The following RAVER2 variants were observed in gnomAD, a reference collection of about 807,000 sequenced individuals.
The protein encoded by RAVER2 is ribonucleoprotein PTB-binding 2.
A neutral mutation model predicts 78.1 loss-of-function variants in RAVER2; 46 were observed. That is an observed-to-expected ratio of 0.59 (90% CI 0.46 to 0.75). The LOEUF (loss-of-function observed/expected upper bound fraction) is 0.75, where lower values mean the gene tolerates loss of function less well. RAVER2 is among the 30% of genes least tolerant of loss of function. The pLI is 0.00. For missense variants in RAVER2, 793 were observed against 837.5 expected, an observed-to-expected ratio of 0.95 and a Z score of 0.66; for synonymous variants, 311 against 313.3, an observed-to-expected ratio of 0.99 and a Z score of 0.08.
At chr1:64,816,044 GTTTCT>G (rs1653748511) in intron 11 of RAVER2, 1 of 152,086 alleles carries the variant, frequency 6.6e-6, no homozygotes, top group Non-Finnish European at 1.5e-5. Flanking sequence ...ATTCCAATTT[GTTTCT>G]TTTCAAGAAA....
Position 64,807,509 on chromosome 1 carries a change from T to TGGGTGC in RAVER2, c.1680+35_1680+36insGGGTGC, listed in dbSNP as rs774376378. The TGGGTGC allele has an allele frequency of 8.1e-5, 129 of 1,590,678 alleles. 2 individuals are homozygous for TGGGTGC. In the East Asian group the frequency reaches 2.8e-3, roughly 34 times the overall value. Reference sequence around the variant, plus strand: ...CTGTGGGTGCACACAGATGTATATATACATGTATATGTATATATATTCCTT... The same window carrying TGGGTGC: ...CTGTGGGTGCACACAGATGTATATATGGGTGCACATGTATATGTATATATATTCCTT... On this transcript the variant is annotated intron_variant, in intron 9 of 11. Coordinates refer to ENST00000294428, the Ensembl canonical transcript of RAVER2.
chr1:64,815,050 G>C, intron 11 of RAVER2: 3 of 330,068 alleles, frequency 9.1e-6, no homozygotes, highest in Non-Finnish European at 1.6e-5. Flanking sequence ...ACCTCTCACT[G>C]TTTACCTAGT....
chr1:64,782,749 G>A (rs1302385482), intron 4 of RAVER2, among the ~76,000 whole-genome samples: 2 of 152,150 alleles, frequency 1.3e-5, no homozygotes, highest in Non-Finnish European at 2.9e-5. Context: ...CTTGGATGTA[G>A]GCTAATGCCA....
At chr1:64,753,511 A>G (rs1401041537) in intron 1 of RAVER2, among the ~76,000 whole-genome samples, 1 of 149,428 alleles carries the variant, frequency 6.7e-6, no homozygotes, top group Non-Finnish European at 1.5e-5. Context: ...CCCTCTGGCA[A>G]TGTATAGAAT....
intron 5 of RAVER2, among the ~76,000 whole-genome samples, chr1:64,797,264 T>C (rs1204082904): frequency 6.6e-6 from 1 of 152,164 alleles, no homozygotes; most frequent in Non-Finnish European, 1.5e-5. Context: ...TCCTTACTGA[T>C]TTTTCATCAA....
At chr1:64,819,609 AAAACTT>A (rs2100895990) in intron 11 of RAVER2, among the ~76,000 whole-genome samples, 1 of 152,368 alleles carries the variant, frequency 6.6e-6, no homozygotes, top group East Asian at 1.9e-4. Context: ...TTTGCTTCAA[AAAACTT>A]ACAGATCTAA....
chr1:64,787,563 G>T (rs1209711343), intron 4 of RAVER2, among the ~76,000 whole-genome samples: 1 of 152,126 alleles, frequency 6.6e-6, no homozygotes, highest in African/African-American at 2.4e-5. Context: ...CTTCTATCCT[G>T]CAGAGTGGGT....
intron 4 of RAVER2, among the ~76,000 whole-genome samples, chr1:64,784,269 TGGG>T (rs1396960499): frequency 1.3e-5 from 2 of 152,058 alleles, no homozygotes; most frequent in African/African-American, 4.8e-5. Flanking sequence ...CTCAGCTACT[TGGG>T]GGGCTGAGGT....
At chr1:64,792,012 C>G (rs1036869351) in intron 5 of RAVER2, among the ~76,000 whole-genome samples, 6 of 151,986 alleles carry the variant, frequency 3.9e-5, no homozygotes, top group African/African-American at 1.4e-4. Context: ...CAGTATATAC[C>G]ATATATGTAA....
intron 9 of RAVER2, among the ~76,000 whole-genome samples, chr1:64,812,362 C>CAAAAAAA (rs61411897): frequency 2.9e-5 from 2 of 70,054 alleles, no homozygotes. Flanking sequence ...ATTCCATCTC[C>CAAAAAAA]AAAAAAAAAA....
chr1:64,782,737 T>A (rs1362764992), intron 4 of RAVER2, among the ~76,000 whole-genome samples: 1 of 152,200 alleles, frequency 6.6e-6, no homozygotes, highest in Non-Finnish European at 1.5e-5. Context: ...AATATGAGGA[T>A]GCTTGGATGT....
chr1:64,797,935 T>A (rs1042072779), intron 5 of RAVER2, among the ~76,000 whole-genome samples: 16 of 151,562 alleles, frequency 1.1e-4, no homozygotes, highest in Non-Finnish European at 2.1e-4. Context: ...TTTTTTTTTT[T>A]ATTATACTTT....
intron 5 of RAVER2, among the ~76,000 whole-genome samples, chr1:64,800,130 TG>T (rs1340976201): frequency 6.9e-6 from 1 of 145,402 alleles, no homozygotes. Context: ...TTTTGTTTTT[TG>T]TTTTTTTTTT....
chr1:64,795,789 A>G (rs746031667), intron 5 of RAVER2, among the ~76,000 whole-genome samples: 1 of 151,836 alleles, frequency 6.6e-6, no homozygotes, highest in South Asian at 2.1e-4. Flanking sequence ...TATGGCTTCT[A>G]TTTTTTTCCT....
rs764468887 is a variant in RAVER2 at position 64,830,955 on chromosome 1, AACTT to A, written c.2052_2055del (p.Tyr684Ter). Reference sequence around the variant, plus strand: ...AGGGCACAGGAGCATATTACATGGAAACTTACTTAAAAAAGAAGCGAGTATACTG... The same window carrying A: ...AGGGCACAGGAGCATATTACATGGAAACTTAAAAAAGAAGCGAGTATACTG... On this transcript the variant is annotated frameshift_variant, in exon 12 of 12. Coordinates refer to ENST00000294428, the Ensembl canonical transcript of RAVER2. LOFTEE classifies it high-confidence loss of function. 3 of 1,613,722 alleles carry A rather than the reference AACTT, an allele frequency of 1.9e-6. No homozygotes were observed. Among genetic ancestry groups the A allele is most frequent in the South Asian group, 1.1e-5 (1 of 91,030 alleles).
chr1:64,760,022 A>G (rs1310590253), intron 1 of RAVER2, among the ~76,000 whole-genome samples: 1 of 151,996 alleles, frequency 6.6e-6, no homozygotes, highest in Non-Finnish European at 1.5e-5. Flanking sequence ...CAGATATGTG[A>G]TACTTGCCTA....
At chr1:64,755,652 A>G (rs908526781) in intron 1 of RAVER2, among the ~76,000 whole-genome samples, 8 of 137,236 alleles carry the variant, frequency 5.8e-5, no homozygotes, top group Non-Finnish European at 1.1e-4. Context: ...TGGATATTCT[A>G]TTACCCTACC....
chr1:64,765,412 G>A (rs1248090822), intron 1 of RAVER2, among the ~76,000 whole-genome samples: 1 of 152,134 alleles, frequency 6.6e-6, no homozygotes, highest in African/African-American at 2.4e-5. Context: ...TCACAGAATG[G>A]CATAGCAAAC....
chr1:64,745,361 G>A lies in RAVER2; in HGVS notation c.189G>A (p.Arg63=). 1.9e-6 allele frequency: 3 copies of A among 1,543,800 alleles called. No homozygotes were observed. The highest frequency in any genetic ancestry group is 2.5e-5 in the East Asian group (1 of 40,324). Reference sequence around the variant, plus strand: ...CCGCGCGACTGCAGCGGATGCAGCGGGAGCTGAGCAACCGCAGGAAAATCC... The same window carrying A: ...CCGCGCGACTGCAGCGGATGCAGCGAGAGCTGAGCAACCGCAGGAAAATCC... The change falls in exon 1 of 12, where the codon CGG becomes CGA. Residue 63 remains arginine, a synonymous_variant. Coordinates refer to ENST00000294428, the Ensembl canonical transcript of RAVER2. The surrounding 1 kb of genome is among the most constrained non-coding windows in gnomAD (Gnocchi z 4.3).
Sources: gnomAD v4.1 joint callset for allele counts (sites outside exome capture counted in the v4.1 genomes callset) on GRCh38, gnomAD v4.1.1 for gene constraint, Gnocchi (gnomAD v3.1) non-coding constraint, MANE v1.5 for transcripts, NCBI Gene and HGNC (gene_info 2026-07-23, HGNC 2026-07-21) for gene names.